LGALS9: variants seen among roughly 807,000 people sequenced by gnomAD.
LGALS9 encodes the protein galectin-9.
LGALS9 carries 26 observed loss-of-function variants against 35.9 expected under a neutral mutation model. That is an observed-to-expected ratio of 0.72 (90% CI 0.53 to 1.01). The LOEUF (loss-of-function observed/expected upper bound fraction) is 1.01. Among genes scored for constraint, LGALS9 ranks in the 50% least tolerant of loss-of-function variants. The pLI, the probability that LGALS9 is intolerant of heterozygous loss-of-function variation, is 0.00. For synonymous variants in LGALS9, 149 were observed against 172.2 expected (o/e 0.87, Z 1.06); for missense variants, 347 against 445.8 (o/e 0.78, Z 1.99).
intron 1 of LGALS9, among the ~76,000 whole-genome samples, chr17:27,634,323 A>G (rs1356701744): frequency 6.6e-6 from 1 of 152,132 alleles, no homozygotes; most frequent in East Asian, 1.9e-4. Flanking sequence ...CCGAGGCAGG[A>G]GGATCTCCTT....
At chr17:27,643,379 C>G in intron 4 of LGALS9, 146 bp from the exon 5 acceptor site, 2 of 1,283,976 alleles carry the variant, frequency 1.6e-6, no homozygotes, top group South Asian at 3.0e-5. Flanking sequence ...TGGCTCTTTC[C>G]CATCCCATCT....
rs1352139780 is a variant in LGALS9, at chr17:27,649,256, G to C, written c.*274G>C. 7 of 554,260 alleles carry C rather than the reference G, an allele frequency of 1.3e-5. No homozygotes were observed. The highest frequency in any genetic ancestry group is 2.3e-5 in the Non-Finnish European group (7 of 305,974). The allele number at this position is 554,260 out of a possible 1,614,324, so 34.3% of individuals were successfully genotyped here. On this transcript the variant is annotated 3_prime_UTR_variant, in exon 11 of 11. Transcript: ENST00000395473. ...GAGGCAGGCACAGCCAGGGAGAGGG[G>C]AGGAGTGGGCAGTGAAGATGAAGCC... is the stretch of plus-strand genomic sequence containing the variant.
At position 27,647,550 on chromosome 17, in the gene LGALS9, C is replaced by G. The variant is rs565807437; in HGVS notation, c.921+118C>G. 7.9e-6 allele frequency: 11 copies of G among 1,392,350 alleles called. No individual in the cohort carries two copies. The African/African-American group carries it at 1.3e-4, about 17-fold the overall frequency. 86.2% of individuals were successfully genotyped at this position (1,392,350 alleles called of 1,614,324 possible). A position where few individuals can be genotyped will look rare whatever the true frequency, so the allele number is the denominator to read the frequency against. On this transcript the variant is annotated intron_variant, in intron 10 of 10. Coordinates refer to ENST00000395473, the MANE Select transcript of LGALS9 (RefSeq NM_009587.3). ...GGCTGATTCCTCTGGGATGAAGGCCCAAAAGAAGAGAAGGTGGCCAACAAA... is the reference window on the plus strand; with the variant it reads ...GGCTGATTCCTCTGGGATGAAGGCCGAAAAGAAGAGAAGGTGGCCAACAAA...
intron 1 of LGALS9, 116 bp from the exon 2 acceptor site, chr17:27,638,139 TCACAGCCG>T (rs1292203910): frequency 1.3e-6 from 1 of 771,416 alleles, no homozygotes; most frequent in Non-Finnish European, 2.3e-6. Context: ...TCTGTACTGG[TCACAGCCG>T]CACCCTATCC....
chr17:27,640,646 G>T lies in LGALS9; in HGVS notation c.206G>T (p.Gly69Val). Residue 69 changes from glycine to valine, a missense_variant, in exon 3 of 11, where the codon GGA becomes GTA. Coordinates refer to ENST00000395473, the MANE Select transcript of LGALS9 (RefSeq NM_009587.3). ...CACTTCAACCCTCGGTTTGAAGATG[G>T]AGGGTACGTGGTGTGCAACACGAGG... is the stretch of plus-strand genomic sequence containing the variant. ...AFHFNPRFED[G>V]GYVVCNTRQN... 1 of 1,614,226 alleles carries T rather than the reference G, an allele frequency of 6.2e-7. No individual in the cohort carries two copies. Among genetic ancestry groups the T allele is most frequent in the Admixed American group, 1.7e-5 (1 of 60,034 alleles).
At chr17:27,632,394 G>A (rs569963574) in intron 1 of LGALS9, among the ~76,000 whole-genome samples, 11 of 152,316 alleles carry the variant, frequency 7.2e-5, no homozygotes, top group Middle Eastern at 3.4e-3. Context: ...GGCTGCCTAC[G>A]TTCTGGTCTG....
In LGALS9 at chr17:27,646,608, G is replaced by A. The variant is rs556734070; in HGVS notation, c.669+20G>A. 3 of 1,612,864 alleles carry A rather than the reference G, an allele frequency of 1.9e-6. No homozygotes were observed. Among genetic ancestry groups the A allele is most frequent in the Non-Finnish European group, 2.5e-6 (3 of 1,180,002 alleles). On this transcript the variant is annotated intron_variant, in intron 8 of 10. Transcript: ENST00000395473. The stretch of plus-strand genomic sequence containing the variant: ...GCCTATGTAAGTGGTTTCTCAGGGA[G>A]GGCAGAGGTTCTGTTTGTGGTGGGC...
chr17:27,634,160 T>C (rs1423277661), intron 1 of LGALS9, among the ~76,000 whole-genome samples: 1 of 152,246 alleles, frequency 6.6e-6, no homozygotes, highest in Non-Finnish European at 1.5e-5. Context: ...TGTTTCCTTC[T>C]GGAGGCCCCA....
chr17:27,640,563 T>C lies in LGALS9; in HGVS notation c.132-9T>C. The C allele has an allele frequency of 6.2e-7, 1 of 1,614,048 alleles. No homozygotes were observed. Among genetic ancestry groups the C allele is most frequent in the Non-Finnish European group, 8.5e-7 (1 of 1,179,890 alleles). ...GCCACAGAAGACTATTTGCTTTCCC[T>C]GGGCCTAGGTTTGCTGTGAACTTTC... On this transcript the variant is annotated splice_polypyrimidine_tract_variant and intron_variant, in intron 2 of 10. Transcript: ENST00000395473.
Position 27,635,111 on chromosome 17 carries a change from T to A in LGALS9, c.40-3152T>A, listed in dbSNP as rs192460071. Among the ~76,000 whole-genome samples, 205 of 152,344 alleles carry A rather than the reference T, an allele frequency of 1.3e-3. 1 individual carries two copies. The highest frequency in any genetic ancestry group is 4.7e-3 in the African/African-American group (196 of 41,586). ...TGCTTTATAATCCTTTGTGTTATAA[T>A]GCTGCAATGAATAACCTTGTTTGTA... On this transcript the variant is annotated intron_variant, in intron 1 of 10. Transcript: ENST00000395473.
At chr17:27,648,191 A>AT (rs1274974393) in intron 10 of LGALS9, among the ~76,000 whole-genome samples, 4 of 152,268 alleles carry the variant, frequency 2.6e-5, no homozygotes, top group African/African-American at 9.6e-5. Context: ...CTTTGCAGCC[A>AT]TGGAAAGGAG....
chr17:27,644,584 C>T (rs888866119), intron 5 of LGALS9: 9 of 152,444 alleles, frequency 5.9e-5, no homozygotes, highest in Non-Finnish European at 8.8e-5. Context: ...AGCAGCCCTT[C>T]CTCCGGCCAC....
rs907300629 is a variant in LGALS9, at chr17:27,649,424, C to G, written c.*442C>G. 1.7e-5 allele frequency: 4 copies of G among 228,652 alleles called. No individual in the cohort carries two copies. Among genetic ancestry groups the G allele is most frequent in the Non-Finnish European group, 2.6e-5 (3 of 113,560 alleles). 14.2% of individuals were successfully genotyped at this position (228,652 alleles called of 1,614,324 possible). A position where few individuals can be genotyped will look rare whatever the true frequency, so the allele number is the denominator to read the frequency against. On this transcript the variant is annotated 3_prime_UTR_variant, in exon 11 of 11. Coordinates refer to ENST00000395473, the MANE Select transcript of LGALS9 (RefSeq NM_009587.3). The stretch of plus-strand genomic sequence containing the variant: ...TCTCACCTTGCACCGTGCACCAACC[C>G]TTCACCCCTCCTGGAAAGCAGGCCT...
intron 2 of LGALS9, among the ~76,000 whole-genome samples, chr17:27,640,033 G>A (rs1904350454): frequency 1.4e-5 from 2 of 144,592 alleles, no homozygotes; most frequent in Admixed American, 1.4e-4. Context: ...ATCATGCCCA[G>A]CCAATTTTTT....
intron 1 of LGALS9, among the ~76,000 whole-genome samples, chr17:27,632,627 AAG>A (rs1229420192): frequency 6.6e-6 from 1 of 152,128 alleles, no homozygotes; most frequent in Non-Finnish European, 1.5e-5. Context: ...TTTTCTGTCA[AAG>A]AGGGGATCCC....
rs914300775 is a variant in LGALS9, at chr17:27,636,260, C to A, written c.40-2003C>A. On this transcript the variant is annotated intron_variant, in intron 1 of 10. Coordinates refer to ENST00000395473, the MANE Select transcript of LGALS9 (RefSeq NM_009587.3). ...TTGGCCTGCACAGTGTTTCTTTTAA[C>A]GTTTTATTATAGGAAATTCAAACAT... Among the ~76,000 whole-genome samples, 11 of 152,288 alleles carry A rather than the reference C, an allele frequency of 7.2e-5. No individual in the cohort carries two copies. The East Asian group carries it at 2.1e-3, about 29-fold the overall frequency.
rs1157615461 is a variant in LGALS9 at position 27,640,705 on chromosome 17, A to G, written c.265A>G (p.Thr89Ala). ...AAGCTGGGGGCCCGAGGAGAGGAAGACACACATGCCTTTCCAGAAGGGGAT... is the reference window on the plus strand; with the variant it reads ...AAGCTGGGGGCCCGAGGAGAGGAAGGCACACATGCCTTTCCAGAAGGGGAT... ...NGSWGPEERK[T>A]HMPFQKGMPF... The change falls in exon 3 of 11, where the codon ACA (threonine) becomes GCA (alanine). Residue 89 changes from threonine (T) to alanine (A), a missense_variant. Thr to Ala is a moderately conservative substitution (Grantham distance 58, BLOSUM62 0). Coordinates refer to ENST00000395473, the MANE Select transcript of LGALS9 (RefSeq NM_009587.3). 5 of 1,614,132 alleles carry G rather than the reference A, an allele frequency of 3.1e-6. No individual in the cohort carries two copies. Among genetic ancestry groups the G allele is most frequent in the Non-Finnish European group, 3.4e-6 (4 of 1,180,052 alleles).
rs538891800 is a variant in LGALS9 at position 27,636,878 on chromosome 17, C to T, written c.40-1385C>T. Among the ~76,000 whole-genome samples the T allele has an allele frequency of 3.9e-5, 6 of 152,172 alleles. No homozygotes were observed. In the East Asian group the frequency reaches 9.6e-4, roughly 24 times the overall value. ...CTGTCTTCTCTTAAAAATTTGGAAG[C>T]TCTGCCAATACTGGGCCCAGATGGC... is the stretch of plus-strand genomic sequence containing the variant. On this transcript the variant is annotated intron_variant, in intron 1 of 10. Transcript: ENST00000395473.
chr17:27,649,135 C>T lies in LGALS9; in HGVS notation c.*153C>T. 8.0e-7 allele frequency: 1 copy of T among 1,256,434 alleles called. No individual in the cohort carries two copies. Among genetic ancestry groups the T allele is most frequent in the East Asian group, 2.5e-5 (1 of 40,780 alleles). The allele number at this position is 1,256,434 out of a possible 1,614,324, so 77.8% of individuals were successfully genotyped here. ...CCTTGTCTGGTCCTGCTTCTGGCTA[C>T]AGCCACCCTGGAACGGAGAAGGCAG... On this transcript the variant is annotated 3_prime_UTR_variant, in exon 11 of 11. Transcript: ENST00000395473.
Sources: allele counts gnomAD v4.1 joint callset (sites outside exome capture counted in the v4.1 genomes callset), GRCh38; gene constraint gnomAD v4.1.1; transcripts MANE v1.5; gene names NCBI Gene and HGNC (gene_info 2026-07-23, HGNC 2026-07-21).